The following TBX10 variants were observed in gnomAD, a reference collection of about 807,000 sequenced individuals.
TBX10 encodes T-box transcription factor 10.
A neutral mutation model predicts 32.4 loss-of-function variants in TBX10; 26 were observed. The ratio of observed to expected loss-of-function variants is 0.80; its 90% CI spans 0.59 to 1.11. The LOEUF is 1.11. Ranked by LOEUF, TBX10 falls within the 50% of genes most tolerant of loss-of-function variation. The pLI is 0.00. For missense variants in TBX10, 490 were observed against 494.5 expected (o/e 0.99, Z 0.09); for synonymous variants, 195 against 203.1 (o/e 0.96, Z 0.34).
intron 1 of TBX10, 73 bp downstream of exon 1, chr11:67,639,393 T>TACCCCCCCCCCCCCC: frequency 2.8e-6 from 2 of 726,926 alleles, no homozygotes; most frequent in Non-Finnish European, 5.0e-6. Flanking sequence ...CTGTCTTGGT[T>TACCCCCCCCCCCCCC]CCCACCCTGC....
At chr11:67,637,633 G>A (rs1281651835) in intron 1 of TBX10, among the ~76,000 whole-genome samples, 1 of 152,216 alleles carries the variant, frequency 6.6e-6, no homozygotes, top group Non-Finnish European at 1.5e-5. Flanking sequence ...ATAAGGAAGA[G>A]GAACAGGCTA....
At position 67,632,624 on chromosome 11, in the gene TBX10, C is replaced by G. The variant is rs757906992; in HGVS notation, c.752G>C (p.Arg251Thr). 1 of 1,614,068 alleles carries G rather than the reference C, an allele frequency of 6.2e-7. No individual in the cohort carries two copies. Among genetic ancestry groups the G allele is most frequent in the African/African-American group, 1.3e-5 (1 of 75,058 alleles). The change falls in exon 6 of 8, where the codon AGA (arginine) becomes ACA (threonine). Residue 251 changes from arginine (R) to threonine (T), a missense_variant. Transcript: ENST00000335385. The part of the protein sequence containing the change: ...IASNPFAKGF[R>T]ESDLDSWPVA... ...GTACCAGGAGTCCAGGTCACTCTCT[C>G]TAAAGCCTTTGGCAAAAGGGTTGCT...
At chr11:67,632,481 C>T in intron 6 of TBX10, 69 bp from the exon 7 acceptor site, 1 of 1,584,116 alleles carries the variant, frequency 6.3e-7, no homozygotes, top group Non-Finnish European at 8.6e-7. Context: ...TCATGGCCAG[C>T]TTCAGATGGT....
At position 67,632,838 on chromosome 11, in the gene TBX10, C is replaced by T. The variant is rs1012177538; in HGVS notation, c.705+110G>A. 6.3e-6 allele frequency: 10 copies of T among 1,586,122 alleles called. No homozygotes were observed. The Admixed American group carries it at 1.7e-4, about 26-fold the overall frequency. ...CTTGACTGATGGCAGATACTCAGGGCAAGTTGGGAGGGCAGTAGTCTGTGC... is the reference window on the plus strand; with the variant it reads ...CTTGACTGATGGCAGATACTCAGGGTAAGTTGGGAGGGCAGTAGTCTGTGC... On this transcript the variant is annotated intron_variant, in intron 5 of 7. Transcript: ENST00000335385.
intron 1 of TBX10, 73 bp downstream of exon 1, chr11:67,639,393 T>TTGCCCCCCCCC: frequency 1.4e-6 from 1 of 726,922 alleles, no homozygotes; most frequent in Non-Finnish European, 2.5e-6. Context: ...CTGTCTTGGT[T>TTGCCCCCCCCC]CCCACCCTGC....
chr11:67,633,193 T>C, intron 4 of TBX10, 90 bp from the exon 5 acceptor site: 1 of 1,504,864 alleles, frequency 6.6e-7, no homozygotes, highest in South Asian at 1.2e-5. Flanking sequence ...GCCGGGAGAC[T>C]GCCCTGGGCC....
chr11:67,635,544 C>G (rs1257395600), intron 1 of TBX10, among the ~76,000 whole-genome samples: 2 of 152,200 alleles, frequency 1.3e-5, no homozygotes, highest in Admixed American at 1.3e-4. Context: ...TGTTTCACCT[C>G]CTGGAGCCTC....
intron 4 of TBX10, 144 bp downstream of exon 4, chr11:67,634,045 A>C: frequency 2.5e-6 from 2 of 790,598 alleles, no homozygotes. Context: ...ACCCCCAGCC[A>C]GGTGAGCTCG....
chr11:67,635,912 G>A (rs1357712374), intron 1 of TBX10, among the ~76,000 whole-genome samples: 1 of 151,708 alleles, frequency 6.6e-6, no homozygotes, highest in Non-Finnish European at 1.5e-5. Context: ...TGCAATCCCG[G>A]CACAAGTCTT....
chr11:67,632,319 T>G lies in TBX10; in HGVS notation c.867A>C (p.Lys289Asn). 1.2e-6 allele frequency: 2 copies of G among 1,613,308 alleles called. No homozygotes were observed. Among genetic ancestry groups the G allele is most frequent in the Non-Finnish European group, 1.7e-6 (2 of 1,179,994 alleles). ...ATGTCTGCAGGCCTGGGGCCTTACC[T>G]TTCTCCCTGTCTGTGGCACCCTTCA... ...CVLKGATDRE[K>N]DPNKASASTS... The change falls in exon 7 of 8, where the codon AAA becomes AAC. Residue 289 changes from lysine to asparagine, a missense_variant and splice_region_variant. Transcript: ENST00000335385.
Position 67,635,102 on chromosome 11 carries a change from G to C in TBX10, c.169C>G (p.Pro57Ala). 2 of 1,613,860 alleles carry C rather than the reference G, an allele frequency of 1.2e-6. No homozygotes were observed. The highest frequency in any genetic ancestry group is 1.7e-6 in the Non-Finnish European group (2 of 1,180,046). ...ACTCTGGACACACGTGGGTTCTTGG[G>C]GCCCTGCCCAGTGGGCTCGGCCACA... ...QAVAEPTGQG[P>A]KNPRVSRVTV... Residue 57 changes from proline to alanine, a missense_variant, in exon 2 of 8, where the codon CCC (proline) becomes GCC (alanine). By Grantham distance (27) the Pro-to-Ala change is conservative. Around this residue, in one of 3 missense-constraint regions of TBX10, gnomAD observed 307 missense variants for 294.9 expected, o/e 1.04. Transcript: ENST00000335385.
intron 1 of TBX10, among the ~76,000 whole-genome samples, chr11:67,637,641 C>CTA (rs1350609848): frequency 6.6e-6 from 1 of 152,172 alleles, no homozygotes; most frequent in Non-Finnish European, 1.5e-5. Context: ...GAGGAACAGG[C>CTA]TATGACCTAA....
At chr11:67,639,413 CTG>C in intron 1 of TBX10, 51 bp downstream of exon 1, 2 of 1,593,656 alleles carry the variant, frequency 1.3e-6, no homozygotes, top group Non-Finnish European at 1.7e-6. Context: ...CCCACCCACC[CTG>C]GAACCTGAGC....
Position 67,631,548 on chromosome 11 carries a change from T to G in TBX10, c.*57A>C. ...CTGGAGGGGGCGGGGCAGAGGCTGA[T>G]TCCCACACCCGGTGTAAGGTCCAGG... On this transcript the variant is annotated 3_prime_UTR_variant, in exon 8 of 8. Transcript: ENST00000335385. The G allele has an allele frequency of 6.5e-7, 1 of 1,550,066 alleles. No individual in the cohort carries two copies. The highest frequency in any genetic ancestry group is 8.7e-7 in the Non-Finnish European group (1 of 1,154,192).
In TBX10 at chr11:67,631,831, G is replaced by A. The variant is rs758596700; in HGVS notation, c.932C>T (p.Pro311Leu). ...TPAWLHHQLL[P>L]PPEVLLAPAT... is the part of the protein sequence containing the mutation. ...CGGGGCCAGCAGGACCTCAGGTGGG[G>A]GCAGCAGCTGATGATGGAGCCAAGC... Residue 311 changes from proline (P) to leucine (L), a missense_variant, in exon 8 of 8, where the codon CCC becomes CTC. Pro to Leu is a moderately conservative substitution (Grantham distance 98). Transcript: ENST00000335385. 5 of 1,583,308 alleles carry A rather than the reference G, an allele frequency of 3.2e-6. No individual in the cohort carries two copies. The highest frequency in any genetic ancestry group is 4.3e-6 in the Non-Finnish European group (5 of 1,165,198).
rs1434101537 is a variant in TBX10 at position 67,631,718 on chromosome 11, G to T, written c.1045C>A (p.Pro349Thr). ...GIPRTRPAPY[P>T]LPNIRADRDQ... ...CTATCAGCCCGGATGTTGGGGAGGG[G>T]GTATGGTGCTGGTCGGGTCCTTGGG... Residue 349 changes from proline to threonine, a missense_variant, in exon 8 of 8, where the codon CCC becomes ACC. Transcript: ENST00000335385. 18 of 1,609,996 alleles carry T rather than the reference G, an allele frequency of 1.1e-5. No individual in the cohort carries two copies. Among genetic ancestry groups the T allele is most frequent in the Non-Finnish European group, 1.4e-5 (16 of 1,178,744 alleles).
rs1855304809 is a variant in TBX10 at position 67,635,115 on chromosome 11, G to C, written c.156C>G (p.Pro52=). ...SSTGAQAVAE[P]TGQGPKNPRV... The stretch of plus-strand genomic sequence containing the variant: ...GTGGGTTCTTGGGGCCCTGCCCAGT[G>C]GGCTCGGCCACAGCTTGGGCCCCAG... The change falls in exon 2 of 8, where the codon CCC becomes CCG. Residue 52 remains proline, a synonymous_variant. Coordinates refer to ENST00000335385, the MANE Select transcript of TBX10 (RefSeq NM_005995.5). 1 of 1,613,728 alleles carries C rather than the reference G, an allele frequency of 6.2e-7. No homozygotes were observed. Among genetic ancestry groups the C allele is most frequent in the African/African-American group, 1.3e-5 (1 of 74,950 alleles).
At chr11:67,635,398 C>G in intron 1 of TBX10, 135 bp from the exon 2 acceptor site, 1 of 1,253,800 alleles carries the variant, frequency 8.0e-7, no homozygotes, top group Non-Finnish European at 1.1e-6. Flanking sequence ...GGATCCCCCA[C>G]TCAGCATCAC....
chr11:67,634,838 G>A lies in TBX10; in HGVS notation c.355C>T (p.Pro119Ser). The A allele has an allele frequency of 6.2e-7, 1 of 1,613,534 alleles. No individual in the cohort carries two copies. The highest frequency in any genetic ancestry group is 8.5e-7 in the Non-Finnish European group (1 of 1,180,022). ...ADYALLMDFI[P>S]LDDKRYRYAF... Reference sequence around the variant, plus strand: ...CACCTGTATCTCTTGTCGTCCAGGGGGATGAAGTCCATGAGCAGGGCGTAG... The same window carrying A: ...CACCTGTATCTCTTGTCGTCCAGGGAGATGAAGTCCATGAGCAGGGCGTAG... The change falls in exon 3 of 8, where the codon CCC (proline) becomes TCC (serine). Residue 119 changes from proline (P) to serine (S), a missense_variant. Coordinates refer to ENST00000335385, the MANE Select transcript of TBX10 (RefSeq NM_005995.5).
Sources: allele counts gnomAD v4.1 joint callset (sites outside exome capture counted in the v4.1 genomes callset), GRCh38; gene constraint gnomAD v4.1.1; regional missense constraint gnomAD v4.1.1; transcripts MANE v1.5; gene names NCBI Gene and HGNC (gene_info 2026-07-23, HGNC 2026-07-21).